DNAH5: variants seen among roughly 807,000 people sequenced by gnomAD.
DNAH5 encodes dynein axonemal heavy chain 5, also known as axonemal beta dynein heavy chain 5.
A neutral mutation model predicts 518.2 loss-of-function variants in DNAH5; 372 were observed. The observed-to-expected ratio is 0.72, with a 90% CI of 0.66 to 0.78. DNAH5 has a LOEUF of 0.78. DNAH5 is among the 30% of genes least tolerant of loss of function. The pLI, the probability that DNAH5 is intolerant of heterozygous loss-of-function variation, is 0.00. For missense variants in DNAH5, 5,523 were observed against 5,687.0 expected (o/e 0.97, Z 0.93); for synonymous variants, 2,039 against 2,025.9 (o/e 1.01, Z -0.17).
At chr5:13,753,620 G>T in intron 62 of DNAH5, 71 bp from the exon 63 acceptor site, 2 of 1,352,784 alleles carry the variant, frequency 1.5e-6, no homozygotes, top group Non-Finnish European at 2.0e-6. Context: ...TATTAAAAAT[G>T]AAAAAAATTA....
chr5:13,711,982 C>G (rs1221555011), intron 75 of DNAH5, among the ~76,000 whole-genome samples: 2 of 152,114 alleles, frequency 1.3e-5, no homozygotes, highest in Non-Finnish European at 2.9e-5. Flanking sequence ...CAAAATACCA[C>G]CATCATTCTT....
At chr5:13,787,673 G>A (rs1756280156) in intron 51 of DNAH5, among the ~76,000 whole-genome samples, 1 of 146,284 alleles carries the variant, frequency 6.8e-6, no homozygotes, top group Non-Finnish European at 1.5e-5. Flanking sequence ...TGAATTACAG[G>A]GAATAAATTA....
At chr5:13,954,710 A>G (rs1334031154) in intron 1 of DNAH5, among the ~76,000 whole-genome samples, 1 of 152,212 alleles carries the variant, frequency 6.6e-6, no homozygotes, top group Non-Finnish European at 1.5e-5. Flanking sequence ...CTGTTCCAAC[A>G]GAAAATTCCA....
Position 13,870,950 on chromosome 5 carries a change from A to G in DNAH5, c.3651T>C (p.Ile1217=). 2 of 1,613,830 alleles carry G rather than the reference A, an allele frequency of 1.2e-6. No homozygotes were observed. The highest frequency in any genetic ancestry group is 1.7e-6 in the Non-Finnish European group (2 of 1,179,824). The change falls in exon 24 of 79, where the codon ATT becomes ATC. Residue 1217 remains isoleucine, a synonymous_variant. Coordinates refer to ENST00000265104, the MANE Select transcript of DNAH5 (RefSeq NM_001369.3). Reference sequence around the variant, plus strand: ...GGTATTTTTTGTTACAGTGGCGTCCAATGACAACCATCCAGGCCTTTGTCT... The same window carrying G: ...GGTATTTTTTGTTACAGTGGCGTCCGATGACAACCATCCAGGCCTTTGTCT... ...TAETKAWMVV[I]GRHCNKKYRS...
At chr5:13,844,745 C>T in intron 32 of DNAH5, 92 bp downstream of exon 32, 2 of 1,551,348 alleles carry the variant, frequency 1.3e-6, no homozygotes, top group South Asian at 1.1e-5. Flanking sequence ...GGAAGCAACC[C>T]TTGTTATAAA....
intron 28 of DNAH5, 40 bp from the exon 29 acceptor site, chr5:13,862,787 C>T: frequency 1.3e-6 from 2 of 1,552,158 alleles, no homozygotes; most frequent in Non-Finnish European, 1.8e-6. Context: ...GCATGAAAGT[C>T]ACACGTCCTT....
intron 71 of DNAH5, 70 bp from the exon 72 acceptor site, chr5:13,719,171 T>C (rs190224114): frequency 7.4e-6 from 9 of 1,216,006 alleles, no homozygotes; most frequent in Admixed American, 1.9e-5. Context: ...TTACATTCTT[T>C]AGAAATTAAG....
At chr5:13,766,796 T>A (rs769001137) in intron 58 of DNAH5, among the ~76,000 whole-genome samples, 1 of 152,224 alleles carries the variant, frequency 6.6e-6, no homozygotes, top group Non-Finnish European at 1.5e-5. Context: ...AATGATTTAA[T>A]AGTCACATAC....
chr5:13,709,310 G>T (rs1002293314), intron 75 of DNAH5, among the ~76,000 whole-genome samples: 1 of 151,984 alleles, frequency 6.6e-6, no homozygotes, highest in African/African-American at 2.4e-5. Context: ...GATTGTCCAG[G>T]TCATCTCTTA....
At chr5:13,693,331 A>G (rs1387269887) in intron 78 of DNAH5, among the ~76,000 whole-genome samples, 1 of 152,232 alleles carries the variant, frequency 6.6e-6, no homozygotes, top group East Asian at 1.9e-4. Context: ...CATGCTCAAA[A>G]ATTTACCTTT....
At chr5:13,829,449 C>A in intron 38 of DNAH5, 61 bp downstream of exon 38, 1 of 1,558,440 alleles carries the variant, frequency 6.4e-7, no homozygotes, top group Non-Finnish European at 8.8e-7. Context: ...AAAATGAGAA[C>A]ATTCTGCTGA....
chr5:13,824,735 A>G (rs116120942), intron 38 of DNAH5, among the ~76,000 whole-genome samples: 1,973 of 152,292 alleles, frequency 0.013, 16 homozygotes, highest in Middle Eastern at 0.024. Flanking sequence ...ACTGTCATAT[A>G]CATAGAGATA....
At chr5:13,860,105 G>C (rs1028124785) in intron 29 of DNAH5, among the ~76,000 whole-genome samples, 2 of 151,930 alleles carry the variant, frequency 1.3e-5, no homozygotes, top group African/African-American at 4.8e-5. Context: ...AACTTCCCAC[G>C]CACCTGTGTC....
chr5:13,739,616 T>G (rs1748121945), intron 65 of DNAH5, among the ~76,000 whole-genome samples: 1 of 152,288 alleles, frequency 6.6e-6, no homozygotes, highest in East Asian at 1.9e-4. Flanking sequence ...AGTGAGGCAG[T>G]GATGAATCAT....
chr5:13,888,868 G>A (rs1323108696), intron 17 of DNAH5, among the ~76,000 whole-genome samples: 1 of 152,150 alleles, frequency 6.6e-6, no homozygotes, highest in African/African-American at 2.4e-5. Flanking sequence ...TGCAGCTCTT[G>A]ACAAATTAGC....
intron 2 of DNAH5, among the ~76,000 whole-genome samples, chr5:13,930,474 T>C (rs1778313316): frequency 1.3e-5 from 2 of 152,204 alleles, no homozygotes; most frequent in African/African-American, 4.8e-5. Context: ...GCTTGTCTTC[T>C]TTCTTTTTTT....
chr5:13,919,878 G>T (rs1424532611), intron 6 of DNAH5, among the ~76,000 whole-genome samples: 1 of 152,194 alleles, frequency 6.6e-6, no homozygotes, highest in East Asian at 1.9e-4. Flanking sequence ...CTAACAGTTT[G>T]AAATATACAG....
At position 13,833,102 on chromosome 5, in the gene DNAH5, AAG is replaced by A. The variant is rs369784379; in HGVS notation, c.5883-2329_5883-2328del. On this transcript the variant is annotated intron_variant, in intron 35 of 78. Coordinates refer to ENST00000265104, the MANE Select transcript of DNAH5 (RefSeq NM_001369.3). ...ATAGGGCATGTTTAAGGAGAAACCAAAGACAAGGTTGCTAAAGAATGTGTTAT... is the reference window on the plus strand; with the variant it reads ...ATAGGGCATGTTTAAGGAGAAACCAAACAAGGTTGCTAAAGAATGTGTTAT... Among the ~76,000 whole-genome samples, 1,264 of 146,600 alleles carry A rather than the reference AAG, an allele frequency of 8.6e-3. 19 individuals are homozygous for A. Among genetic ancestry groups the A allele is most frequent in the African/African-American group, 0.03 (1,185 of 38,858 alleles).
chr5:13,692,775 G>T (rs185825116), intron 78 of DNAH5, among the ~76,000 whole-genome samples: 175 of 152,236 alleles, frequency 1.1e-3, no homozygotes, highest in Non-Finnish European at 2.1e-3. Flanking sequence ...GCAATGAAAG[G>T]CAATCTATGT....
Sources: allele counts gnomAD v4.1 joint callset (sites outside exome capture counted in the v4.1 genomes callset), GRCh38; gene constraint gnomAD v4.1.1; transcripts MANE v1.5; gene names NCBI Gene and HGNC (gene_info 2026-07-23, HGNC 2026-07-21).